UGT1A8: variants seen among roughly 807,000 people sequenced by gnomAD.
UGT1A8 encodes UDP-glucuronosyltransferase 1A8.
Under a neutral mutation model 45.3 loss-of-function variants are expected in UGT1A8, and 39 were observed. The ratio of observed to expected loss-of-function variants is 0.86; its 90% confidence interval spans 0.67 to 1.12. The LOEUF is 1.12. Ranked by LOEUF, UGT1A8 falls within the 50% of genes most tolerant of loss-of-function variation. The pLI is 0.00. For synonymous variants in UGT1A8, 275 were observed against 249.2 expected, an observed-to-expected ratio of 1.10 and a Z score of -0.97; for missense variants, 719 against 664.9, an observed-to-expected ratio of 1.08 and a Z score of -0.90.
chr2:233,618,353 G>A lies in UGT1A8; in HGVS notation c.646G>A (p.Glu216Lys), dbSNP rs1367610614. 1 of 1,613,732 alleles carries A rather than the reference G, an allele frequency of 6.2e-7. No homozygotes were observed. Among genetic ancestry groups the A allele is most frequent in the Admixed American group, 1.7e-5 (1 of 59,988 alleles). Residue 216 changes from glutamate to lysine, a missense_variant, in exon 1 of 5, where the codon GAA (glutamate) becomes AAA (lysine). Coordinates refer to ENST00000373450, the MANE Select transcript of UGT1A8 (RefSeq NM_019076.5). ...RVRNHIMHLE[E>K]HLFCQYFSKN... is the part of the protein sequence containing the mutation. ...ACGGAACCACATCATGCACTTGGAG[G>A]AACATTTATTTTGCCAGTATTTTTC...
chr2:233,729,562 T>C lies in UGT1A8; in HGVS notation c.856-37472T>C, dbSNP rs201451179. ...GATCAGGCACCTGAATGCTACTTCC[T>C]TTGATGTGGTTTTAACAGACCCCGT... On this transcript the variant is annotated intron_variant, in intron 1 of 4. Transcript: ENST00000373450. 8.7e-6 allele frequency: 14 copies of C among 1,614,160 alleles called. No homozygotes were observed. The East Asian group carries it at 3.1e-4, about 36-fold the overall frequency.
intron 1 of UGT1A8, among the ~76,000 whole-genome samples, chr2:233,727,658 C>T (rs1228112753): frequency 6.6e-6 from 1 of 152,168 alleles, no homozygotes; most frequent in Non-Finnish European, 1.5e-5. Flanking sequence ...TTCTAGTGCT[C>T]TATGTCCTTA....
intron 1 of UGT1A8, chr2:233,747,256 G>T: frequency 6.2e-7 from 1 of 1,600,772 alleles, no homozygotes; most frequent in Non-Finnish European, 8.5e-7. Flanking sequence ...GCTGGCCACA[G>T]GAGTGCTACT....
At chr2:233,718,755 C>G (rs372600165) in intron 1 of UGT1A8, 10 of 1,612,204 alleles carry the variant, frequency 6.2e-6, no homozygotes, top group East Asian at 4.5e-5. Flanking sequence ...GTAATTAAGG[C>G]GAAGGAAACA....
intron 1 of UGT1A8, among the ~76,000 whole-genome samples, chr2:233,628,174 T>C (rs2073125072): frequency 6.6e-6 from 1 of 152,058 alleles, no homozygotes; most frequent in Non-Finnish European, 1.5e-5. Flanking sequence ...ACTTTGGAAA[T>C]GTTTGTGTGT....
intron 1 of UGT1A8, chr2:233,636,474 A>G (rs968912826): frequency 1.9e-6 from 3 of 1,581,354 alleles, no homozygotes; most frequent in South Asian, 1.2e-5. Context: ...CGCCTACTGT[A>G]TCATAGCAGC....
At chr2:233,649,593 A>G (rs906312716) in intron 1 of UGT1A8, among the ~76,000 whole-genome samples, 14 of 152,252 alleles carry the variant, frequency 9.2e-5, no homozygotes, top group African/African-American at 3.4e-4. Context: ...TTTACTTGCC[A>G]GTAAACCAGA....
Position 233,773,228 on chromosome 2 carries a change from T to C in UGT1A8, c.*669T>C, listed in dbSNP as rs570239690. The C allele has an allele frequency of 6.6e-6, 1 of 152,468 alleles. No homozygotes were observed. The highest frequency in any genetic ancestry group is 2.4e-5 in the African/African-American group (1 of 41,574). 9.4% of individuals were successfully genotyped at this position (152,468 alleles called of 1,614,324 possible). A position where few individuals can be genotyped will look rare whatever the true frequency, so the allele number is the denominator to read the frequency against. ...AAAAACCCAAAATACAGCTATGAAG[T>C]GCTGGGCAAGTTTACTTTTTTTCTG... On this transcript the variant is annotated 3_prime_UTR_variant, in exon 5 of 5. Coordinates refer to ENST00000373450, the MANE Select transcript of UGT1A8 (RefSeq NM_019076.5).
At chr2:233,682,556 G>C in intron 1 of UGT1A8, 1 of 1,613,932 alleles carries the variant, frequency 6.2e-7, no homozygotes, top group African/African-American at 1.3e-5. Flanking sequence ...CAAGGAGAGA[G>C]TATGGAACCA....
rs1023246934 is a variant in UGT1A8, at chr2:233,636,856, T to A, written c.855+18294T>A. ...AAGTATATTTTCTCTATTAATGAGT[T>A]CATCCAGTGGTTTTCTTGACTTATT... On this transcript the variant is annotated intron_variant, in intron 1 of 4. Coordinates refer to ENST00000373450, the MANE Select transcript of UGT1A8 (RefSeq NM_019076.5). 7 of 1,614,128 alleles carry A rather than the reference T, an allele frequency of 4.3e-6. No homozygotes were observed. The African/African-American group carries it at 9.3e-5, about 22-fold the overall frequency.
intron 1 of UGT1A8, among the ~76,000 whole-genome samples, chr2:233,765,317 T>G (rs984736516): frequency 1.3e-5 from 2 of 152,240 alleles, no homozygotes; most frequent in Non-Finnish European, 2.9e-5. Flanking sequence ...ATTTGTTTAT[T>G]GCAGCACTAT....
intron 1 of UGT1A8, among the ~76,000 whole-genome samples, chr2:233,740,501 G>A (rs1478436482): frequency 6.6e-6 from 1 of 151,910 alleles, no homozygotes; most frequent in Non-Finnish European, 1.5e-5. Context: ...GCTTTCCAGT[G>A]TGTGATGTAA....
chr2:233,725,694 T>C (rs903551237), intron 1 of UGT1A8, among the ~76,000 whole-genome samples: 1 of 152,238 alleles, frequency 6.6e-6, no homozygotes, highest in African/African-American at 2.4e-5. Context: ...TCAATAGTCA[T>C]ATGTAGTTAG....
At chr2:233,647,471 C>T (rs2073634783) in intron 1 of UGT1A8, among the ~76,000 whole-genome samples, 2 of 152,036 alleles carry the variant, frequency 1.3e-5, no homozygotes, top group South Asian at 4.2e-4. Context: ...TTATTTCTTC[C>T]TTCAGTGTTT....
chr2:233,637,663 CTT>C (rs2073335446), intron 1 of UGT1A8, among the ~76,000 whole-genome samples: 1 of 152,080 alleles, frequency 6.6e-6, no homozygotes, highest in African/African-American at 2.4e-5. Flanking sequence ...AGAAATGAAA[CTT>C]CCGTTTTTTG....
At chr2:233,761,211 C>A in intron 1 of UGT1A8, 2 of 1,613,736 alleles carry the variant, frequency 1.2e-6, no homozygotes, top group South Asian at 1.1e-5. Flanking sequence ...TACTTTGGAT[C>A]GATTAACTAG....
At chr2:233,654,426 G>A (rs1046794270) in intron 1 of UGT1A8, among the ~76,000 whole-genome samples, 8 of 152,134 alleles carry the variant, frequency 5.3e-5, no homozygotes, top group African/African-American at 1.7e-4. Context: ...TGTACTAATC[G>A]TAGATATATC....
rs538829256 is a variant in UGT1A8 at position 233,747,779 on chromosome 2, T to C, written c.856-19255T>C. 9.3e-4 allele frequency: 1,506 copies of C among 1,613,500 alleles called. 1 individual carries two copies. The highest frequency in any genetic ancestry group is 1.2e-3 in the Non-Finnish European group (1,364 of 1,179,858). On this transcript the variant is annotated intron_variant, in intron 1 of 4. Coordinates refer to ENST00000373450, the MANE Select transcript of UGT1A8 (RefSeq NM_019076.5). ...ACTTTAAGGGCACACAGTGTCCAAA[T>C]CCTTCCTCCTATATTCCTAAGTTAC...
chr2:233,632,673 A>G (rs1238028618), intron 1 of UGT1A8, among the ~76,000 whole-genome samples: 1 of 152,106 alleles, frequency 6.6e-6, no homozygotes, highest in Non-Finnish European at 1.5e-5. Context: ...ATTTTTGCAT[A>G]TTGATTTTGT....
Sources: gnomAD v4.1 joint callset for allele counts (sites outside exome capture counted in the v4.1 genomes callset) on GRCh38, gnomAD v4.1.1 for gene constraint, MANE v1.5 for transcripts, NCBI Gene and HGNC (gene_info 2026-07-23, HGNC 2026-07-21) for gene names.